Variants in RANBP2 observed in about 807,000 individuals in gnomAD.
The protein encoded by RANBP2 is E3 SUMO-protein ligase RanBP2.
A neutral mutation model predicts 303.6 loss-of-function variants in RANBP2; 57 were observed. That is an observed-to-expected ratio of 0.19 (90% confidence interval 0.15 to 0.23). RANBP2 has a LOEUF of 0.23. Ranked by LOEUF, RANBP2 falls within the 10% of genes least tolerant of loss-of-function variation. The pLI, the probability that RANBP2 is intolerant of heterozygous loss-of-function variation, is 1.00. For synonymous variants in RANBP2, 1,167 were observed against 1,301.5 expected (o/e 0.90, Z 2.23); for missense variants, 3,138 against 3,780.8 (o/e 0.83, Z 4.46).
At chr2:109,613,714 C>T in the RANBP2 span, 6,859 of 933,294 alleles carry the variant, frequency 7.3e-3, 28 homozygotes, top group Non-Finnish European at 8.7e-3. Context: ...CCGGGCCGGA[C>T]CAGGGGGCCG....
the RANBP2 span, among the ~76,000 whole-genome samples, chr2:108,880,198 AAAAAAC>A: frequency 8.2e-6 from 1 of 122,592 alleles, no homozygotes; most frequent in Non-Finnish European, 1.7e-5. Flanking sequence ...ACTTAAAAAA[AAAAAAC>A]AACAACAAAC....
At chr2:109,101,525 C>G in the RANBP2 span, among the ~76,000 whole-genome samples, 1 of 152,120 alleles carries the variant, frequency 6.6e-6, no homozygotes, top group Admixed American at 6.5e-5. Flanking sequence ...GAGACTCTGT[C>G]TCAAAAAAAC....
the RANBP2 span, among the ~76,000 whole-genome samples, chr2:109,261,030 C>G: frequency 6.6e-6 from 1 of 152,164 alleles, no homozygotes; most frequent in East Asian, 1.9e-4. Context: ...GGCACTGTGT[C>G]TGCAGGAAGG....
chr2:109,282,659 G>T, the RANBP2 span, among the ~76,000 whole-genome samples: 1 of 152,202 alleles, frequency 6.6e-6, no homozygotes, highest in South Asian at 2.1e-4. Flanking sequence ...ACCCTTGTTT[G>T]CTTGGAGCAC....
the RANBP2 span, among the ~76,000 whole-genome samples, chr2:109,411,598 T>C: frequency 0.55 from 83,403 of 151,954 alleles, 23,256 homozygotes; most frequent in South Asian, 0.64. Context: ...GTGCCACTCA[T>C]TTCTTTGTAC....
At chr2:109,392,035 C>T in the RANBP2 span, among the ~76,000 whole-genome samples, 2 of 151,990 alleles carry the variant, frequency 1.3e-5, no homozygotes, top group Non-Finnish European at 2.9e-5. Context: ...AGGCTGATCT[C>T]GAACTCCTGG....
At chr2:109,398,540 G>A in the RANBP2 span, 1 of 1,460,696 alleles carries the variant, frequency 6.8e-7, no homozygotes, top group South Asian at 1.3e-5. Flanking sequence ...GGCTGGTGTG[G>A]CATGTGACCA....
Position 108,763,332 on chromosome 2 carries a change from T to C in RANBP2, c.2793T>C (p.Ala931=), listed in dbSNP as rs1180845392. Residue 931 remains alanine (A), a synonymous_variant, in exon 20 of 29, where the codon GCT becomes GCC. Transcript: ENST00000283195. ...MHTPPVQSSS[A]CMFSQEMYGP... Reference sequence around the variant, plus strand: ...CACCGCCAGTGCAAAGCTCATCTGCTTGTATGTTCTCTCAGGAGATGTATG... The same window carrying C: ...CACCGCCAGTGCAAAGCTCATCTGCCTGTATGTTCTCTCAGGAGATGTATG... 1.9e-6 allele frequency: 3 copies of C among 1,614,018 alleles called. No individual in the cohort carries two copies. The highest frequency in any genetic ancestry group is 2.5e-6 in the Non-Finnish European group (3 of 1,179,962).
chr2:109,140,181 ATGGT>A, the RANBP2 span, among the ~76,000 whole-genome samples: 1 of 152,086 alleles, frequency 6.6e-6, no homozygotes, highest in African/African-American at 2.4e-5. Flanking sequence ...ATTGATGCAC[ATGGT>A]TGGTGCATAT....
chr2:109,645,302 G>A, the RANBP2 span, among the ~76,000 whole-genome samples: 1 of 152,220 alleles, frequency 6.6e-6, no homozygotes, highest in South Asian at 2.1e-4. Context: ...CGTAAATTCA[G>A]CAACCTTAAT....
the RANBP2 span, among the ~76,000 whole-genome samples, chr2:109,208,861 C>T: frequency 2.6e-3 from 401 of 152,310 alleles, 2 homozygotes; most frequent in African/African-American, 9.3e-3. Flanking sequence ...GGTTCATTCT[C>T]TCTTACTGGC....
the RANBP2 span, among the ~76,000 whole-genome samples, chr2:109,237,945 GTTT>G: frequency 1.3e-5 from 2 of 152,186 alleles, no homozygotes; most frequent in Non-Finnish European, 2.9e-5. Context: ...AATTAAAATG[GTTT>G]TTATGACCAC....
the RANBP2 span, chr2:108,876,270 ATATAG>A: frequency 6.8e-7 from 1 of 1,478,812 alleles, no homozygotes; most frequent in Non-Finnish European, 9.3e-7. Flanking sequence ...TAATTTTTTA[ATATAG>A]TATATGTGGT....
chr2:108,926,741 G>A, the RANBP2 span, among the ~76,000 whole-genome samples: 3 of 152,246 alleles, frequency 2.0e-5, no homozygotes, highest in African/African-American at 4.8e-5. Flanking sequence ...CACACTGTGG[G>A]GAGGGCGGAG....
At chr2:109,069,437 C>A in the RANBP2 span, among the ~76,000 whole-genome samples, 6 of 152,214 alleles carry the variant, frequency 3.9e-5, no homozygotes, top group South Asian at 1.2e-3. Flanking sequence ...TGAATGCTTC[C>A]TTCCTCACTC....
chr2:109,605,477 T>A, the RANBP2 span: 29 of 149,536 alleles, frequency 1.9e-4, no homozygotes, highest in African/African-American at 6.6e-4. Context: ...TTTCAAAAAA[T>A]AATAATAAAT....
the RANBP2 span, among the ~76,000 whole-genome samples, chr2:109,201,219 T>A: frequency 1.3e-5 from 2 of 152,246 alleles, no homozygotes; most frequent in Non-Finnish European, 2.9e-5. Flanking sequence ...TAGTTTTGCC[T>A]CTTCTGCACT....
At chr2:109,153,076 A>G in the RANBP2 span, among the ~76,000 whole-genome samples, 1 of 152,222 alleles carries the variant, frequency 6.6e-6, no homozygotes, top group Non-Finnish European at 1.5e-5. Flanking sequence ...AAGACAAGAC[A>G]GTCACTGTGA....
the RANBP2 span, chr2:109,585,625 A>G: frequency 2.9e-5 from 26 of 897,180 alleles, no homozygotes; most frequent in Non-Finnish European, 4.0e-5. Flanking sequence ...CATGATTTCA[A>G]ATTGATAACA....
Sources: allele counts gnomAD v4.1 joint callset (sites outside exome capture counted in the v4.1 genomes callset), GRCh38; gene constraint gnomAD v4.1.1; transcripts MANE v1.5; gene names NCBI Gene and HGNC (gene_info 2026-07-23, HGNC 2026-07-21).